The following LRP1B variants were observed in gnomAD, a reference collection of about 807,000 sequenced individuals.
LRP1B encodes low-density lipoprotein receptor-related protein 1B.
Under a neutral mutation model 556.6 loss-of-function variants are expected in LRP1B, and 217 were observed. The observed-to-expected ratio is 0.39, with a 90% confidence interval of 0.35 to 0.44. The LOEUF is 0.44. LRP1B is among the 20% of genes least tolerant of loss of function. LRP1B has a pLI of 1.00. For synonymous variants in LRP1B, 2,047 were observed against 1,865.8 expected (o/e 1.10, Z -2.50); for missense variants, 5,053 against 5,620.8 (o/e 0.90, Z 3.23).
intron 2 of LRP1B, among the ~76,000 whole-genome samples, chr2:141,515,465 A>T (rs1020804628): frequency 2.0e-5 from 3 of 152,166 alleles, no homozygotes; most frequent in African/African-American, 7.2e-5. Flanking sequence ...CAATAAGGTG[A>T]TTTTGCATTT....
At chr2:140,333,999 AAAAAAC>A (rs1376622513) in intron 79 of LRP1B, among the ~76,000 whole-genome samples, 24 of 151,824 alleles carry the variant, frequency 1.6e-4, no homozygotes, top group Admixed American at 1.1e-3. Context: ...GAAAAGGCAA[AAAAAAC>A]AAAACAAAAC....
At chr2:141,384,204 A>T (rs1280310911) in intron 3 of LRP1B, among the ~76,000 whole-genome samples, 2 of 152,100 alleles carry the variant, frequency 1.3e-5, no homozygotes, top group African/African-American at 4.8e-5. Flanking sequence ...AATTTCAAAG[A>T]CGTTAAAAAG....
intron 79 of LRP1B, among the ~76,000 whole-genome samples, chr2:140,328,940 T>G (rs1202599409): frequency 6.6e-6 from 1 of 152,110 alleles, no homozygotes; most frequent in East Asian, 1.9e-4. Flanking sequence ...ACAAATTTGC[T>G]TATTGAATCA....
At chr2:141,225,625 G>T (rs868552176) in intron 6 of LRP1B, among the ~76,000 whole-genome samples, 1 of 152,052 alleles carries the variant, frequency 6.6e-6, no homozygotes. Context: ...CCCAAAGTCT[G>T]CAACTTTCAA....
intron 1 of LRP1B, among the ~76,000 whole-genome samples, chr2:141,988,479 C>A (rs553318448): frequency 1.3e-5 from 2 of 152,040 alleles, no homozygotes; most frequent in African/African-American, 4.8e-5. Context: ...TCCTTATGTA[C>A]ATTATCCAGT....
In LRP1B at chr2:140,469,939, A is replaced by G. The variant is rs557219218; in HGVS notation, c.9625+5199T>C. Among the ~76,000 whole-genome samples the G allele has an allele frequency of 7.2e-5, 11 of 152,300 alleles. No individual in the cohort carries two copies. The East Asian group carries it at 2.1e-3, about 29-fold the overall frequency. On this transcript the variant is annotated intron_variant, in intron 60 of 90. Coordinates refer to ENST00000389484, the MANE Select transcript of LRP1B (RefSeq NM_018557.3). ...ATGGCTTTAACCGCACTTATTACAT[A>G]TATAGGTTGGTAGAATAATTACAAG... is the stretch of plus-strand genomic sequence containing the variant.
intron 1 of LRP1B, among the ~76,000 whole-genome samples, chr2:141,827,810 C>A (rs1330532188): frequency 6.6e-6 from 1 of 152,018 alleles, no homozygotes; most frequent in East Asian, 1.9e-4. Context: ...TACACAAATA[C>A]ACAGTAAATA....
At chr2:141,089,431 C>A (rs1294193341) in intron 7 of LRP1B, among the ~76,000 whole-genome samples, 1 of 152,072 alleles carries the variant, frequency 6.6e-6, no homozygotes, top group East Asian at 1.9e-4. Flanking sequence ...AAAAACTTAG[C>A]AATGAAAATA....
intron 1 of LRP1B, among the ~76,000 whole-genome samples, chr2:142,016,379 G>A (rs1036425057): frequency 3.3e-5 from 5 of 152,136 alleles, no homozygotes; most frequent in African/African-American, 7.2e-5. Flanking sequence ...ATATGCACAC[G>A]TATGTTTATT....
intron 31 of LRP1B, among the ~76,000 whole-genome samples, chr2:140,836,147 T>C (rs1359320711): frequency 1.3e-5 from 2 of 152,208 alleles, no homozygotes; most frequent in South Asian, 2.1e-4. Context: ...ATGTACTTTC[T>C]TGAACACATA....
At chr2:141,945,369 A>G (rs1354069003) in intron 1 of LRP1B, among the ~76,000 whole-genome samples, 1 of 152,128 alleles carries the variant, frequency 6.6e-6, no homozygotes, top group Non-Finnish European at 1.5e-5. Flanking sequence ...ACACATAGAG[A>G]ATGGTTTATT....
intron 41 of LRP1B, among the ~76,000 whole-genome samples, chr2:140,671,445 C>T (rs1217322770): frequency 2.6e-5 from 4 of 152,082 alleles, no homozygotes; most frequent in African/African-American, 9.7e-5. Flanking sequence ...GTCGTGAATC[C>T]GAGAGGCAGA....
At chr2:140,346,281 AATT>A (rs529547392) in intron 77 of LRP1B, among the ~76,000 whole-genome samples, 176 of 151,940 alleles carry the variant, frequency 1.2e-3, no homozygotes, top group Middle Eastern at 3.4e-3. Context: ...CTCATATAAT[AATT>A]ATCATTGGTA....
At chr2:141,927,903 CAA>C (rs5834879) in intron 1 of LRP1B, among the ~76,000 whole-genome samples, 1 of 111,184 alleles carries the variant, frequency 9.0e-6, no homozygotes, top group Non-Finnish European at 1.8e-5. Flanking sequence ...CTTGGCTTTA[CAA>C]AAAAAAAAAA....
Position 140,234,920 on chromosome 2 carries a change from ATAT to A in LRP1B, c.13561-39_13561-37del, listed in dbSNP as rs745462428. The A allele has an allele frequency of 5.3e-6, 4 of 749,610 alleles. No individual in the cohort carries two copies. In the South Asian group the frequency reaches 5.7e-5, roughly 11 times the overall value. The allele number at this position is 749,610 out of a possible 1,614,324, so 46.4% of individuals were successfully genotyped here. On this transcript the variant is annotated intron_variant, in intron 89 of 90. Coordinates refer to ENST00000389484, the MANE Select transcript of LRP1B (RefSeq NM_018557.3). ...ACAGAAAATTTTAGTTTCTGATCTA[ATAT>A]TATAGAATCACTTTTCATCGATACA...
chr2:141,743,501 CTTTT>C (rs796287062), intron 2 of LRP1B, among the ~76,000 whole-genome samples: 2 of 119,028 alleles, frequency 1.7e-5, no homozygotes, highest in African/African-American at 7.3e-5. Flanking sequence ...TTTTTTTTTT[CTTTT>C]TTTTTTTTTT....
At chr2:141,575,385 T>C (rs1288790543) in intron 2 of LRP1B, among the ~76,000 whole-genome samples, 1 of 152,198 alleles carries the variant, frequency 6.6e-6, no homozygotes, top group Non-Finnish European at 1.5e-5. Context: ...TAGTGAATGA[T>C]GCTGGGAAAA....
chr2:140,670,635 A>T (rs908472641), intron 41 of LRP1B, among the ~76,000 whole-genome samples: 1 of 152,118 alleles, frequency 6.6e-6, no homozygotes, highest in Admixed American at 6.6e-5. Flanking sequence ...GGTTCTCTGA[A>T]CTGAGGAACC....
chr2:141,476,922 G>C (rs1474358324), intron 3 of LRP1B, among the ~76,000 whole-genome samples: 1 of 152,104 alleles, frequency 6.6e-6, no homozygotes, highest in Non-Finnish European at 1.5e-5. Context: ...TTGGGAGTTT[G>C]AGACCAGCCT....
Sources: allele counts gnomAD v4.1 joint callset (sites outside exome capture counted in the v4.1 genomes callset), GRCh38; gene constraint gnomAD v4.1.1; transcripts MANE v1.5; gene names NCBI Gene and HGNC (gene_info 2026-07-23, HGNC 2026-07-21).